NUS1: variants seen among roughly 807,000 people sequenced by gnomAD.
NUS1 encodes the protein dehydrodolichyl diphosphate synthase complex subunit NUS1.
For missense variants in NUS1, 292 were observed against 382.9 expected, an observed-to-expected ratio of 0.76 and a Z score of 1.98; for synonymous variants, 135 against 155.2, an observed-to-expected ratio of 0.87 and a Z score of 0.97.
chr6:117,694,930 C>A (rs921219470), intron 3 of NUS1, among the ~76,000 whole-genome samples: 2 of 152,038 alleles, frequency 1.3e-5, no homozygotes. Flanking sequence ...TGGGGTGGCT[C>A]ACACTTGTAA....
chr6:117,690,381 A>G (rs1773197837), intron 1 of NUS1, among the ~76,000 whole-genome samples: 1 of 152,188 alleles, frequency 6.6e-6, no homozygotes, highest in Non-Finnish European at 1.5e-5. Flanking sequence ...TCTTGTGTAT[A>G]TGGCTGTCCC....
At chr6:117,685,089 A>G (rs1386033812) in intron 1 of NUS1, among the ~76,000 whole-genome samples, 1 of 152,182 alleles carries the variant, frequency 6.6e-6, no homozygotes, top group Non-Finnish European at 1.5e-5. Context: ...TTAAGACTAG[A>G]ATTTAAAACA....
intron 3 of NUS1, among the ~76,000 whole-genome samples, chr6:117,701,705 T>C (rs753314632): frequency 6.6e-6 from 1 of 152,210 alleles, no homozygotes; most frequent in South Asian, 2.1e-4. Flanking sequence ...CACTTGTTTC[T>C]TAATATTGAT....
chr6:117,675,878 C>T lies in NUS1; in HGVS notation c.208C>T (p.Arg70Trp). The change falls in exon 1 of 5, where the codon CGG (arginine) becomes TGG (tryptophan). Residue 70 changes from arginine to tryptophan, a missense_variant. Transcript: ENST00000368494. ...AGTCGGCAGGAACCGCCGTCACCAC[C>T]GGCACCCGCGCGGGGGGTCGTGCCT... is the stretch of plus-strand genomic sequence containing the variant. ...PAVGRNRRHH[R>W]HPRGGSCLAA... is the part of the protein sequence containing the mutation. 1.3e-6 allele frequency: 2 copies of T among 1,532,974 alleles called. No individual in the cohort carries two copies. 95.0% of individuals were successfully genotyped at this position (1,532,974 alleles called of 1,614,324 possible).
intron 1 of NUS1, among the ~76,000 whole-genome samples, chr6:117,677,920 T>G (rs1386184536): frequency 1.3e-5 from 2 of 152,232 alleles, no homozygotes; most frequent in East Asian, 3.8e-4. Flanking sequence ...TGGATTGATG[T>G]ACAGCCAGGT....
chr6:117,678,184 TTA>T (rs765478229), intron 1 of NUS1, among the ~76,000 whole-genome samples: 24 of 152,340 alleles, frequency 1.6e-4, no homozygotes, highest in Non-Finnish European at 7.3e-5. Context: ...GAAAGGCACC[TTA>T]AGGAGCATTT....
intron 1 of NUS1, among the ~76,000 whole-genome samples, chr6:117,692,076 A>G (rs946930973): frequency 1.2e-4 from 18 of 152,032 alleles, no homozygotes; most frequent in African/African-American, 4.1e-4. Context: ...TGGTTGTTCT[A>G]TGGGGTGAGG....
At chr6:117,684,035 T>G (rs11751090) in intron 1 of NUS1, among the ~76,000 whole-genome samples, 12,322 of 152,294 alleles carry the variant, frequency 0.081, 489 homozygotes, top group Middle Eastern at 0.13. Context: ...AATCCATATG[T>G]GTGGCTTCTC....
intron 1 of NUS1, among the ~76,000 whole-genome samples, chr6:117,676,993 G>A (rs780831443): frequency 2.6e-5 from 4 of 152,176 alleles, no homozygotes; most frequent in Non-Finnish European, 5.9e-5. Context: ...TGTCTTGGAA[G>A]GCTGGGATGG....
chr6:117,703,713 T>C lies in NUS1; in HGVS notation c.791+9T>C, dbSNP rs1486728330. 1 of 1,582,740 alleles carries C rather than the reference T, an allele frequency of 6.3e-7. No individual in the cohort carries two copies. Among genetic ancestry groups the C allele is most frequent in the South Asian group, 1.1e-5 (1 of 90,412 alleles). ...AGATTGACTGAGATTGTGTAAGTAA[T>C]TAAAAGCGTACTGACTTTGTTTAGA... On this transcript the variant is annotated intron_variant, in intron 4 of 4. Transcript: ENST00000368494.
chr6:117,704,135 G>C (rs1395567020), intron 4 of NUS1, among the ~76,000 whole-genome samples: 1 of 152,136 alleles, frequency 6.6e-6, no homozygotes, highest in Non-Finnish European at 1.5e-5. Context: ...AGGTGTCAAG[G>C]CTCAGAAATC....
At chr6:117,686,426 C>G (rs1773142064) in intron 1 of NUS1, among the ~76,000 whole-genome samples, 1 of 152,096 alleles carries the variant, frequency 6.6e-6, no homozygotes, top group Non-Finnish European at 1.5e-5. Flanking sequence ...AGTAACTGAA[C>G]TGAATAATTT....
chr6:117,706,497 C>A (rs139846554), intron 4 of NUS1, among the ~76,000 whole-genome samples: 2 of 152,164 alleles, frequency 1.3e-5, no homozygotes, highest in Admixed American at 6.5e-5. Context: ...TTACTAGTTG[C>A]TTTTCTTGTG....
At chr6:117,701,106 T>TA (rs1480320358) in intron 3 of NUS1, among the ~76,000 whole-genome samples, 2 of 151,840 alleles carry the variant, frequency 1.3e-5, no homozygotes, top group East Asian at 1.9e-4. Flanking sequence ...CTTTCTAATT[T>TA]AAAAAAACTC....
In NUS1 at chr6:117,708,861, C is replaced by T. The variant is rs1773536499; in HGVS notation, c.*1846C>T. The stretch of plus-strand genomic sequence containing the variant: ...CTTTAATGAATGAAATTTAATGGAC[C>T]TGATTAAAATGAAGGGATTTAATCG... On this transcript the variant is annotated 3_prime_UTR_variant, in exon 5 of 5. Coordinates refer to ENST00000368494, the MANE Select transcript of NUS1 (RefSeq NM_138459.5). 1 of 151,914 alleles carries T rather than the reference C, an allele frequency of 6.6e-6. No individual in the cohort carries two copies. The highest frequency in any genetic ancestry group is 6.6e-5 in the Admixed American group (1 of 15,242). 9.4% of individuals were successfully genotyped at this position (151,914 alleles called of 1,614,324 possible).
At position 117,675,962 on chromosome 6, in the gene NUS1, C is replaced by G; in HGVS notation, c.292C>G (p.Pro98Ala). The change falls in exon 1 of 5, where the codon CCT becomes GCT. Residue 98 changes from proline to alanine, a missense_variant. Physicochemically the swap from Pro to Ala is conservative, Grantham distance 27. Transcript: ENST00000368494. Reference sequence around the variant, plus strand: ...GGACGGTCGTTCCTTGGAGAAGCTGCCTGTGCATATGGGCCTGGTGATCAC... The same window carrying G: ...GGACGGTCGTTCCTTGGAGAAGCTGGCTGTGCATATGGGCCTGGTGATCAC... ...RADGRSLEKL[P>A]VHMGLVITEV... 1 of 1,548,492 alleles carries G rather than the reference C, an allele frequency of 6.5e-7. No individual in the cohort carries two copies. The highest frequency in any genetic ancestry group is 1.4e-5 in the African/African-American group (1 of 73,104).
chr6:117,686,845 AGTGTGTATGTGTGTGTGT>A lies in NUS1; in HGVS notation c.416-6190_416-6173del, dbSNP rs1452491452. On this transcript the variant is annotated intron_variant, in intron 1 of 4. Transcript: ENST00000368494. ...CTTGTATTTCTTGTGTATCATGTGA[AGTGTGTATGTGTGTGTGT>A]GTGTGTGTGTGTGTGTGTGTGTGTG... is the stretch of plus-strand genomic sequence containing the variant. Among the ~76,000 whole-genome samples the A allele has an allele frequency of 3.0e-3, 345 of 114,488 alleles. 2 individuals carry two copies. Among genetic ancestry groups the A allele is most frequent in the African/African-American group, 0.01 (329 of 32,118 alleles). 75.1% of individuals were successfully genotyped at this position (114,488 alleles called of 152,430 possible). A position where few individuals can be genotyped will look rare whatever the true frequency, so the allele number is the denominator to read the frequency against.
chr6:117,685,872 G>T (rs1360169320), intron 1 of NUS1, among the ~76,000 whole-genome samples: 1 of 151,802 alleles, frequency 6.6e-6, no homozygotes, highest in African/African-American at 2.4e-5. Context: ...GGAGTCAGGA[G>T]AATCACTTGA....
intron 3 of NUS1, among the ~76,000 whole-genome samples, chr6:117,695,340 A>T (rs1028132077): frequency 1.3e-5 from 2 of 151,756 alleles, no homozygotes; most frequent in Non-Finnish European, 2.9e-5. Flanking sequence ...TGGTTTCGCT[A>T]ACTTCCTACT....
Sources: gnomAD v4.1 joint callset for allele counts (sites outside exome capture counted in the v4.1 genomes callset) on GRCh38, gnomAD v4.1.1 for gene constraint, MANE v1.5 for transcripts, NCBI Gene and HGNC (gene_info 2026-07-23, HGNC 2026-07-21) for gene names.